The following DENND1A variants were observed in gnomAD, a reference collection of about 807,000 sequenced individuals.
The protein encoded by DENND1A is DENN domain containing 1A, also known as DENN domain-containing protein 1A.
In DENND1A, 51 loss-of-function variants were observed where a neutral mutation model predicts 113.7. That is an observed-to-expected ratio of 0.45 (90% CI 0.36 to 0.57). DENND1A has a LOEUF of 0.57. DENND1A is among the 20% of genes least tolerant of loss of function. The probability of loss-of-function intolerance (pLI) is 0.00; values close to 1 mark genes in which losing one functional copy is unlikely to be tolerated. For synonymous variants in DENND1A, 565 were observed against 570.8 expected, an observed-to-expected ratio of 0.99 and a Z score of 0.14; for missense variants, 1,258 against 1,395.9, an observed-to-expected ratio of 0.90 and a Z score of 1.57.
chr9:123,897,588 G>A (rs965905225), intron 1 of DENND1A, among the ~76,000 whole-genome samples: 2 of 152,202 alleles, frequency 1.3e-5, no homozygotes, highest in Non-Finnish European at 2.9e-5. Flanking sequence ...AGGGCACTGA[G>A]GAGATGGCAA....
intron 13 of DENND1A, among the ~76,000 whole-genome samples, chr9:123,517,890 C>T (rs2054073524): frequency 6.6e-6 from 1 of 152,070 alleles, no homozygotes; most frequent in African/African-American, 2.4e-5. Flanking sequence ...TGCGGAACGC[C>T]TCTGGGTGGT....
At chr9:123,874,637 C>G (rs1400292607) in intron 2 of DENND1A, among the ~76,000 whole-genome samples, 1 of 152,112 alleles carries the variant, frequency 6.6e-6, no homozygotes, top group Non-Finnish European at 1.5e-5. Context: ...AACTAATAAA[C>G]AAACAAATAA....
chr9:123,579,655 G>C (rs1272097513), intron 12 of DENND1A, among the ~76,000 whole-genome samples: 1 of 152,156 alleles, frequency 6.6e-6, no homozygotes, highest in Non-Finnish European at 1.5e-5. Flanking sequence ...AGCAGAATCT[G>C]TCAGAGTAAA....
intron 12 of DENND1A, among the ~76,000 whole-genome samples, 153 bp from the exon 13 acceptor site, chr9:123,557,848 T>C (rs1335012652): frequency 6.6e-6 from 1 of 152,102 alleles, no homozygotes; most frequent in Non-Finnish European, 1.5e-5. Context: ...GTGTTCAGGC[T>C]GGGTGCAGTG....
At chr9:123,586,683 C>T (rs867876385) in intron 11 of DENND1A, among the ~76,000 whole-genome samples, 11 of 152,248 alleles carry the variant, frequency 7.2e-5, no homozygotes, top group South Asian at 2.1e-4. Flanking sequence ...GAGCCCAGCT[C>T]GCTGGACAGT....
chr9:123,519,074 T>C (rs2054175451), intron 13 of DENND1A, among the ~76,000 whole-genome samples: 1 of 152,210 alleles, frequency 6.6e-6, no homozygotes, highest in Non-Finnish European at 1.5e-5. Flanking sequence ...CTCCCTTCTC[T>C]GCCTGGAACA....
chr9:123,412,849 C>T (rs1401524113), intron 19 of DENND1A, among the ~76,000 whole-genome samples: 1 of 152,210 alleles, frequency 6.6e-6, no homozygotes, highest in African/African-American at 2.4e-5. Flanking sequence ...ATACATCTAA[C>T]TGGACCAAAT....
chr9:123,879,997 A>C (rs893055018), intron 1 of DENND1A, among the ~76,000 whole-genome samples: 1 of 152,160 alleles, frequency 6.6e-6, no homozygotes, highest in Non-Finnish European at 1.5e-5. Context: ...ATTTCATAAC[A>C]GTTCATAAAT....
chr9:123,834,045 ACT>A (rs923995541), intron 2 of DENND1A, among the ~76,000 whole-genome samples: 1 of 152,026 alleles, frequency 6.6e-6, no homozygotes, highest in Non-Finnish European at 1.5e-5. Flanking sequence ...AAAGAGCAAG[ACT>A]CTGTCTCAAA....
At chr9:123,538,482 TG>T (rs940256647) in intron 13 of DENND1A, among the ~76,000 whole-genome samples, 2 of 152,052 alleles carry the variant, frequency 1.3e-5, no homozygotes, top group Non-Finnish European at 1.5e-5. Flanking sequence ...ATTCCAGGTT[TG>T]GGGGTAGGAT....
At chr9:123,887,779 G>A (rs950965283) in intron 1 of DENND1A, among the ~76,000 whole-genome samples, 1 of 152,066 alleles carries the variant, frequency 6.6e-6, no homozygotes, top group Non-Finnish European at 1.5e-5. Context: ...CAGGGTGGAG[G>A]TGAAGGGGCC....
intron 13 of DENND1A, among the ~76,000 whole-genome samples, chr9:123,539,878 G>T (rs1423721766): frequency 8.1e-6 from 1 of 123,942 alleles, no homozygotes; most frequent in South Asian, 2.6e-4. Context: ...GTGAGACTCC[G>T]TCTCAAAAAA....
chr9:123,900,563 T>G (rs1851454625), intron 1 of DENND1A, among the ~76,000 whole-genome samples: 1 of 152,188 alleles, frequency 6.6e-6, no homozygotes, highest in Admixed American at 6.5e-5. Context: ...CAAGGGAATC[T>G]ACACGTGTGA....
intron 18 of DENND1A, among the ~76,000 whole-genome samples, chr9:123,443,971 G>A (rs1170951431): frequency 2.6e-5 from 4 of 151,918 alleles, no homozygotes; most frequent in Admixed American, 1.3e-4. Context: ...AAAAAATAAG[G>A]TGGGGGGCAT....
intron 13 of DENND1A, among the ~76,000 whole-genome samples, chr9:123,503,561 C>G (rs376571091): frequency 1.3e-5 from 2 of 152,160 alleles, no homozygotes; most frequent in African/African-American, 4.8e-5. Context: ...ATCGGACTCA[C>G]GTAAAACTCA....
chr9:123,529,508 A>G (rs2055122578), intron 13 of DENND1A, among the ~76,000 whole-genome samples: 1 of 152,234 alleles, frequency 6.6e-6, no homozygotes, highest in African/African-American at 2.4e-5. Flanking sequence ...AAATTCTGCT[A>G]CCGAGAAGAG....
Position 123,570,973 on chromosome 9 carries a change from C to T in DENND1A, c.867+12196G>A, listed in dbSNP as rs554869545. Among the ~76,000 whole-genome samples, 5 of 152,278 alleles carry T rather than the reference C, an allele frequency of 3.3e-5. No individual in the cohort carries two copies. In the East Asian group the frequency reaches 9.6e-4, roughly 29 times the overall value. On this transcript the variant is annotated intron_variant, in intron 12 of 23. Coordinates refer to ENST00000394215, the MANE Select transcript of DENND1A (RefSeq NM_001352964.2). ...GAGTATTCTTGCCATATTTTTCCTC[C>T]AAAATCCATAGCTAGGGAACAATGC...
chr9:123,815,313 C>A (rs947963496), intron 2 of DENND1A, among the ~76,000 whole-genome samples: 57 of 152,314 alleles, frequency 3.7e-4, no homozygotes, highest in African/African-American at 1.2e-3. Context: ...GACCAGCAGA[C>A]GAAATATTCC....
intron 2 of DENND1A, among the ~76,000 whole-genome samples, chr9:123,836,413 C>G (rs1162231228): frequency 6.6e-6 from 1 of 152,036 alleles, no homozygotes; most frequent in Non-Finnish European, 1.5e-5. Flanking sequence ...ATTCACCAGA[C>G]TTGGCTTAAT....
Sources: allele counts gnomAD v4.1 joint callset (sites outside exome capture counted in the v4.1 genomes callset), GRCh38; gene constraint gnomAD v4.1.1; transcripts MANE v1.5; gene names NCBI Gene and HGNC (gene_info 2026-07-23, HGNC 2026-07-21).